Variants in EPHA6 observed in about 807,000 individuals in gnomAD.
EPHA6 encodes the protein EPH receptor A6, also known as ephrin type-A receptor 6.
EPHA6 carries 50 observed loss-of-function variants against 112.0 expected under a neutral mutation model. The ratio of observed to expected loss-of-function variants is 0.45; its 90% CI spans 0.36 to 0.56. The LOEUF is 0.56. Ranked by LOEUF, EPHA6 falls within the 20% of genes least tolerant of loss-of-function variation. EPHA6 has a pLI of 0.00. For missense variants in EPHA6, 1,280 were observed against 1,417.4 expected, an observed-to-expected ratio of 0.90 and a Z score of 1.56; for synonymous variants, 529 against 490.7, an observed-to-expected ratio of 1.08 and a Z score of -1.03.
intron 2 of EPHA6, among the ~76,000 whole-genome samples, chr3:96,945,320 C>T (rs1218979621): frequency 6.6e-6 from 1 of 152,086 alleles, no homozygotes; most frequent in African/African-American, 2.4e-5. Context: ...AACGGAACTC[C>T]AGAGTTGATG....
chr3:97,583,818 C>CA (rs752889149), intron 11 of EPHA6, among the ~76,000 whole-genome samples: 2 of 152,052 alleles, frequency 1.3e-5, no homozygotes, highest in Non-Finnish European at 2.9e-5. Context: ...TTATAAAGAA[C>CA]ATATAGTTTA....
intron 14 of EPHA6, among the ~76,000 whole-genome samples, chr3:97,670,373 A>G (rs1413318079): frequency 6.6e-6 from 1 of 152,196 alleles, no homozygotes; most frequent in East Asian, 1.9e-4. Context: ...CTTTCTTCTC[A>G]GTTGTAGAAA....
At chr3:97,154,742 T>C (rs907850880) in intron 3 of EPHA6, among the ~76,000 whole-genome samples, 1 of 152,178 alleles carries the variant, frequency 6.6e-6, no homozygotes, top group Non-Finnish European at 1.5e-5. Flanking sequence ...TTTAACTCAC[T>C]CTATTTTTTT....
At chr3:96,868,438 A>G (rs532096268) in intron 2 of EPHA6, among the ~76,000 whole-genome samples, 8 of 151,818 alleles carry the variant, frequency 5.3e-5, no homozygotes, top group Admixed American at 2.0e-4. Context: ...CTAGGTATCA[A>G]TATAGGTTAC....
Position 97,751,282 on chromosome 3 carries a change from C to A in EPHA6, c.*2581C>A, listed in dbSNP as rs566026542. On this transcript the variant is annotated 3_prime_UTR_variant, in exon 18 of 18. Transcript: ENST00000389672. The stretch of plus-strand genomic sequence containing the variant: ...TCTTTCTTTTAAAATGTCTGATGAT[C>A]CTATTCTACATCTGGTTAATTTGTA... Among the ~76,000 whole-genome samples the A allele has an allele frequency of 1.1e-4, 16 of 152,138 alleles. No homozygotes were observed. In the East Asian group the frequency reaches 3.1e-3, roughly 29 times the overall value.
intron 3 of EPHA6, among the ~76,000 whole-genome samples, chr3:97,020,183 T>A (rs765783046): frequency 5.9e-5 from 9 of 152,142 alleles, no homozygotes; most frequent in Non-Finnish European, 7.3e-5. Flanking sequence ...CCAACTGCAA[T>A]GAAGATTGCA....
chr3:97,109,235 A>G lies in EPHA6; in HGVS notation c.1115-117029A>G, dbSNP rs537378751. 3.9e-5 allele frequency among the ~76,000 whole-genome samples: 6 copies of G among 152,322 alleles called. No homozygotes were observed. The East Asian group carries it at 1.2e-3, about 29-fold the overall frequency. On this transcript the variant is annotated intron_variant, in intron 3 of 17. Coordinates refer to ENST00000389672, the MANE Select transcript of EPHA6 (RefSeq NM_001080448.3). ...TTTCCTTTCAGTGAGTTCTTTACCTAGAGCAGACTGCCTTGTAAAACATGT... is the reference window on the plus strand; with the variant it reads ...TTTCCTTTCAGTGAGTTCTTTACCTGGAGCAGACTGCCTTGTAAAACATGT...
chr3:97,022,080 A>T (rs2044481515), intron 3 of EPHA6, among the ~76,000 whole-genome samples: 1 of 152,320 alleles, frequency 6.6e-6, no homozygotes, highest in East Asian at 1.9e-4. Flanking sequence ...TTTGTTGAAT[A>T]AATGTTTTCT....
chr3:96,994,866 CTA>C lies in EPHA6; in HGVS notation c.1114+6885_1114+6886del, dbSNP rs147597524. On this transcript the variant is annotated intron_variant, in intron 3 of 17. Coordinates refer to ENST00000389672, the MANE Select transcript of EPHA6 (RefSeq NM_001080448.3). ...TACAGGCTTAAAGAAGGTATTATTG[CTA>C]TATATATATATGTATCACTCAGTAT... 5.0e-3 allele frequency among the ~76,000 whole-genome samples: 740 copies of C among 146,884 alleles called. 6 individuals carry two copies. The highest frequency in any genetic ancestry group is 0.017 in the African/African-American group (665 of 39,692).
intron 3 of EPHA6, among the ~76,000 whole-genome samples, chr3:97,045,908 C>A (rs536701142): frequency 6.6e-6 from 1 of 151,942 alleles, no homozygotes; most frequent in African/African-American, 2.4e-5. Flanking sequence ...GCAAAGTAAC[C>A]AGCTGAGAGT....
intron 3 of EPHA6, among the ~76,000 whole-genome samples, chr3:97,155,081 A>C (rs2076259139): frequency 6.6e-6 from 1 of 152,198 alleles, no homozygotes; most frequent in Admixed American, 6.5e-5. Flanking sequence ...GCAATAGCTA[A>C]GAGATAATTA....
At chr3:97,614,294 A>G (rs1205327492) in intron 13 of EPHA6, among the ~76,000 whole-genome samples, 3 of 151,316 alleles carry the variant, frequency 2.0e-5, no homozygotes, top group Non-Finnish European at 4.4e-5. Flanking sequence ...TACTGGTTTC[A>G]GTGCAAGATG....
chr3:97,315,243 C>T (rs1470818496), intron 5 of EPHA6, among the ~76,000 whole-genome samples: 1 of 151,716 alleles, frequency 6.6e-6, no homozygotes, highest in Non-Finnish European at 1.5e-5. Flanking sequence ...ACACTATCCA[C>T]TTTCCACATC....
At chr3:96,893,149 G>A (rs1185106946) in intron 2 of EPHA6, among the ~76,000 whole-genome samples, 1 of 152,070 alleles carries the variant, frequency 6.6e-6, no homozygotes, top group Non-Finnish European at 1.5e-5. Context: ...TGGTGATGCT[G>A]ATGTAAACAA....
rs531538683 is a variant in EPHA6, at chr3:96,929,471, G to T, written c.451-57859G>T. On this transcript the variant is annotated intron_variant, in intron 2 of 17. Coordinates refer to ENST00000389672, the MANE Select transcript of EPHA6 (RefSeq NM_001080448.3). ...AGCATTTGCTTATCTGAAAAGGATT[G>T]TATTTCTCCTTCACTTATGAAGCTT... Among the ~76,000 whole-genome samples the T allele has an allele frequency of 7.9e-5, 12 of 152,258 alleles. No homozygotes were observed. The East Asian group carries it at 2.3e-3, about 29-fold the overall frequency.
At chr3:97,224,083 A>G (rs1307933606) in intron 3 of EPHA6, among the ~76,000 whole-genome samples, 2 of 152,308 alleles carry the variant, frequency 1.3e-5, no homozygotes, top group Middle Eastern at 3.4e-3. Context: ...TGGTTGATTT[A>G]ATGTTGAAAT....
chr3:97,081,538 A>G (rs1296452727), intron 3 of EPHA6, among the ~76,000 whole-genome samples: 2 of 151,782 alleles, frequency 1.3e-5, no homozygotes, highest in Non-Finnish European at 3.0e-5. Flanking sequence ...TTTTCTTTCC[A>G]GGTTAGATTG....
At chr3:97,363,208 ATATATATATATATATATATATATATATAT>A (rs2084487217) in intron 5 of EPHA6, among the ~76,000 whole-genome samples, 2 of 87,270 alleles carry the variant, frequency 2.3e-5, no homozygotes, top group East Asian at 3.8e-4. Context: ...ATATATATAT[ATATATATATATATATATATATATATATAT>A]AAATCTCAGA....
In EPHA6 at chr3:97,448,635, A is replaced by G; in HGVS notation, c.1799A>G (p.Lys600Arg). ...CCCAGTGTCATCATCACAGGTCTTA[A>G]GCCAGCCACCAAATATGTATTTCAC... is the stretch of plus-strand genomic sequence containing the variant. ...KAPSVIITGL[K>R]PATKYVFHIR... is the part of the protein sequence containing the mutation. Residue 600 changes from lysine (K) to arginine (R), a missense_variant, in exon 7 of 18, where the codon AAG becomes AGG. Lys to Arg is a conservative substitution (Grantham distance 26, BLOSUM62 2). Around this residue, in one of 4 missense-constraint regions of EPHA6, gnomAD observed 878 missense variants for 999.7 expected, o/e 0.88. Coordinates refer to ENST00000389672, the MANE Select transcript of EPHA6 (RefSeq NM_001080448.3). The G allele has an allele frequency of 6.2e-7, 1 of 1,613,608 alleles. No individual in the cohort carries two copies. Among genetic ancestry groups the G allele is most frequent in the South Asian group, 1.1e-5 (1 of 91,086 alleles).
Sources: gnomAD v4.1 joint callset for allele counts (sites outside exome capture counted in the v4.1 genomes callset) on GRCh38, gnomAD v4.1.1 for gene constraint, gnomAD v4.1.1 regional missense constraint, MANE v1.5 for transcripts, NCBI Gene and HGNC (gene_info 2026-07-23, HGNC 2026-07-21) for gene names.